Variants in CNTNAP2 observed in about 807,000 individuals in gnomAD.
The protein encoded by CNTNAP2 is contactin-associated protein-like 2.
Under a neutral mutation model 155.2 loss-of-function variants are expected in CNTNAP2, and 98 were observed. That is an observed-to-expected ratio of 0.63 (90% CI 0.54 to 0.75). CNTNAP2 has a LOEUF of 0.75. Ranked by LOEUF, CNTNAP2 falls within the 30% of genes least tolerant of loss-of-function variation. CNTNAP2 has a pLI of 0.00. For synonymous variants in CNTNAP2, 651 were observed against 631.2 expected (o/e 1.03, Z -0.47); for missense variants, 1,727 against 1,688.1 (o/e 1.02, Z -0.40).
intron 4 of CNTNAP2, among the ~76,000 whole-genome samples, chr7:147,054,542 C>T (rs1309266074): frequency 1.3e-5 from 2 of 152,070 alleles, no homozygotes; most frequent in African/African-American, 4.8e-5. Context: ...ACTTATAATC[C>T]GTTTAATGTA....
intron 11 of CNTNAP2, among the ~76,000 whole-genome samples, chr7:147,551,697 AG>A (rs1799856082): frequency 6.6e-6 from 1 of 152,202 alleles, no homozygotes; most frequent in Admixed American, 6.5e-5. Flanking sequence ...TGGTTTTAAC[AG>A]TAGACTCTCA....
intron 3 of CNTNAP2, among the ~76,000 whole-genome samples, chr7:146,945,388 C>T (rs1379516066): frequency 6.6e-6 from 1 of 152,140 alleles, no homozygotes; most frequent in East Asian, 1.9e-4. Flanking sequence ...ATATCCATTT[C>T]TGCACCAGGA....
chr7:148,010,632 C>A (rs981086453), intron 15 of CNTNAP2, among the ~76,000 whole-genome samples: 5 of 150,154 alleles, frequency 3.3e-5, no homozygotes, highest in Non-Finnish European at 5.9e-5. Flanking sequence ...CTCCACTGAA[C>A]TGTAAAGCCA....
At chr7:147,372,308 C>T (rs147108539) in intron 9 of CNTNAP2, among the ~76,000 whole-genome samples, 1 of 152,244 alleles carries the variant, frequency 6.6e-6, no homozygotes, top group African/African-American at 2.4e-5. Flanking sequence ...TGTAAGGCAA[C>T]TATAACTGTA....
At chr7:147,178,245 G>A (rs1563104633) in intron 8 of CNTNAP2, among the ~76,000 whole-genome samples, 1 of 152,182 alleles carries the variant, frequency 6.6e-6, no homozygotes. Flanking sequence ...TCTGTGGTCA[G>A]AAAATGATAG....
At chr7:146,281,649 G>A (rs960538203) in intron 1 of CNTNAP2, among the ~76,000 whole-genome samples, 2 of 151,990 alleles carry the variant, frequency 1.3e-5, no homozygotes, top group African/African-American at 4.8e-5. Flanking sequence ...ACAAAAATTA[G>A]CCAGGTGTGG....
intron 1 of CNTNAP2, among the ~76,000 whole-genome samples, chr7:146,244,845 G>A (rs1167269491): frequency 2.6e-5 from 4 of 152,056 alleles, no homozygotes. Flanking sequence ...TGTCTACCTA[G>A]GCTAAGAGGT....
chr7:147,808,708 G>T (rs1798132072), intron 13 of CNTNAP2, among the ~76,000 whole-genome samples: 1 of 152,180 alleles, frequency 6.6e-6, no homozygotes, highest in African/African-American at 2.4e-5. Flanking sequence ...GTATTCTAAT[G>T]TGAAATTCCT....
At chr7:147,895,674 A>G (rs1481935841) in intron 13 of CNTNAP2, among the ~76,000 whole-genome samples, 1 of 152,184 alleles carries the variant, frequency 6.6e-6, no homozygotes, top group African/African-American at 2.4e-5. Context: ...TTCCATTTTT[A>G]TTGCCTTTAA....
intron 1 of CNTNAP2, among the ~76,000 whole-genome samples, chr7:146,624,554 G>T (rs1799387355): frequency 6.6e-6 from 1 of 151,880 alleles, no homozygotes; most frequent in Non-Finnish European, 1.5e-5. Flanking sequence ...AATTTTGTTT[G>T]TGTGGGTTTA....
At chr7:146,763,523 T>C (rs1802141176) in intron 1 of CNTNAP2, among the ~76,000 whole-genome samples, 1 of 152,196 alleles carries the variant, frequency 6.6e-6, no homozygotes, top group Non-Finnish European at 1.5e-5. Context: ...GTAGGCACTC[T>C]ATAAATTGTC....
At chr7:146,602,096 CA>C (rs1354500776) in intron 1 of CNTNAP2, among the ~76,000 whole-genome samples, 8 of 151,944 alleles carry the variant, frequency 5.3e-5, no homozygotes, top group Non-Finnish European at 1.0e-4. Context: ...GTTAAATAAT[CA>C]ATTTGAAGTT....
intron 1 of CNTNAP2, among the ~76,000 whole-genome samples, chr7:146,497,314 T>G (rs577605674): frequency 1.3e-5 from 2 of 152,284 alleles, no homozygotes; most frequent in Non-Finnish European, 2.9e-5. Flanking sequence ...ATTAAAACAT[T>G]GTTTATCTAT....
At chr7:147,425,325 G>C (rs1797361628) in intron 10 of CNTNAP2, among the ~76,000 whole-genome samples, 1 of 151,576 alleles carries the variant, frequency 6.6e-6, no homozygotes, top group African/African-American at 2.4e-5. Context: ...ATGAAAAATA[G>C]AGAGGATTTA....
chr7:148,057,306 G>C (rs1401444743), intron 15 of CNTNAP2, among the ~76,000 whole-genome samples: 1 of 152,142 alleles, frequency 6.6e-6, no homozygotes, highest in Non-Finnish European at 1.5e-5. Context: ...GTCTCCATGA[G>C]GATCAATCGC....
chr7:146,931,642 C>G (rs1796760273), intron 3 of CNTNAP2, among the ~76,000 whole-genome samples: 1 of 150,826 alleles, frequency 6.6e-6, no homozygotes, highest in South Asian at 2.1e-4. Flanking sequence ...ATTAATGAAT[C>G]CAGGAACTGG....
rs923395128 is a variant in CNTNAP2, at chr7:148,280,200, C to T, written c.3475+13074C>T. 5.9e-5 allele frequency among the ~76,000 whole-genome samples: 9 copies of T among 152,006 alleles called. 1 individual carries two copies. Among genetic ancestry groups the T allele is most frequent in the Non-Finnish European group, 8.8e-5 (6 of 67,962 alleles). On this transcript the variant is annotated intron_variant, in intron 21 of 23. Coordinates refer to ENST00000361727, the MANE Select transcript of CNTNAP2 (RefSeq NM_014141.6). ...GCCCATGCCTGTAGTCCCAGCTACTCGGGAGGCTGAGGCAGGAGAATTGCT... is the reference window on the plus strand; with the variant it reads ...GCCCATGCCTGTAGTCCCAGCTACTTGGGAGGCTGAGGCAGGAGAATTGCT...
intron 13 of CNTNAP2, among the ~76,000 whole-genome samples, chr7:147,654,102 T>G (rs1412241759): frequency 6.6e-6 from 1 of 152,156 alleles, no homozygotes; most frequent in Admixed American, 6.5e-5. Context: ...GAAATCTTAA[T>G]GAAATGGTAT....
intron 3 of CNTNAP2, among the ~76,000 whole-genome samples, chr7:146,931,748 A>C (rs1213802919): frequency 2.7e-5 from 4 of 149,954 alleles, no homozygotes; most frequent in African/African-American, 9.8e-5. Flanking sequence ...AAAATGATAA[A>C]GGGGATATCA....
Sources: allele counts gnomAD v4.1 joint callset (sites outside exome capture counted in the v4.1 genomes callset), GRCh38; gene constraint gnomAD v4.1.1; transcripts MANE v1.5; gene names NCBI Gene and HGNC (gene_info 2026-07-23, HGNC 2026-07-21).